USP3: variants seen among roughly 807,000 people sequenced by gnomAD.
USP3 encodes ubiquitin specific peptidase 3, also known as ubiquitin carboxyl-terminal hydrolase 3.
Under a neutral mutation model 72.3 loss-of-function variants are expected in USP3, and 20 were observed. The observed-to-expected ratio is 0.28, with a 90% CI of 0.19 to 0.40. The LOEUF (loss-of-function observed/expected upper bound fraction) is 0.40, where lower values mean the gene tolerates loss of function less well. USP3 is among the 10% of genes least tolerant of loss of function. USP3 has a pLI of 1.00. For missense variants in USP3, 479 were observed against 633.9 expected (o/e 0.76, Z 2.62); for synonymous variants, 222 against 225.3 (o/e 0.99, Z 0.13).
At chr15:63,587,343 C>A (rs1365629794) in intron 11 of USP3, among the ~76,000 whole-genome samples, 2 of 151,644 alleles carry the variant, frequency 1.3e-5, no homozygotes, top group East Asian at 4.0e-4. Flanking sequence ...TACAGAATAA[C>A]GTGTATTTTA....
intron 1 of USP3, among the ~76,000 whole-genome samples, chr15:63,531,416 A>T (rs1479086634): frequency 6.6e-6 from 1 of 152,224 alleles, no homozygotes; most frequent in African/African-American, 2.4e-5. Context: ...CTGGACAGAA[A>T]TTATGTAAAA....
intron 2 of USP3, chr15:63,533,952 T>A (rs747152644): frequency 5.3e-6 from 5 of 951,998 alleles, no homozygotes; most frequent in Non-Finnish European, 6.5e-6. Context: ...TTTATGTAGT[T>A]CTGTTCTCCA....
At chr15:63,524,787 G>GCTCTCC (rs2065959400) in intron 1 of USP3, among the ~76,000 whole-genome samples, 1 of 152,134 alleles carries the variant, frequency 6.6e-6, no homozygotes, top group Non-Finnish European at 1.5e-5. Context: ...AGCATTTCAA[G>GCTCTCC]CAATAGCAAG....
intron 1 of USP3, among the ~76,000 whole-genome samples, chr15:63,507,288 A>G (rs1011738146): frequency 6.6e-6 from 1 of 152,216 alleles, no homozygotes; most frequent in African/African-American, 2.4e-5. Context: ...AAGACAGCCA[A>G]GCAAATTGCA....
At chr15:63,587,629 CA>C (rs1357753095) in intron 11 of USP3, 3 of 152,126 alleles carry the variant, frequency 2.0e-5, no homozygotes, top group Non-Finnish European at 4.4e-5. Flanking sequence ...GGCTTTGCAC[CA>C]CATAAGGTCT....
intron 1 of USP3, among the ~76,000 whole-genome samples, chr15:63,512,443 CT>C (rs2065803572): frequency 6.8e-6 from 1 of 146,310 alleles, no homozygotes; most frequent in Non-Finnish European, 1.5e-5. Context: ...TTTCTTCCTT[CT>C]TTTTCTTTCT....
chr15:63,530,257 C>T lies in USP3; in HGVS notation c.92-2390C>T, dbSNP rs542114213. ...ATTTGAGTTACCGTCATCCTTCCTT[C>T]CCTCCCTCCCTGCCTCCCTCCCTCC... On this transcript the variant is annotated intron_variant, in intron 1 of 14. Coordinates refer to ENST00000380324, the MANE Select transcript of USP3 (RefSeq NM_006537.4). 3.2e-4 allele frequency among the ~76,000 whole-genome samples: 30 copies of T among 93,598 alleles called. No homozygotes were observed. The South Asian group carries it at 5.7e-3, about 18-fold the overall frequency. The allele number at this position is 93,598 out of a possible 152,430, so 61.4% of individuals were successfully genotyped here. A position where few individuals can be genotyped will look rare whatever the true frequency, so the allele number is the denominator to read the frequency against.
At chr15:63,519,234 A>C (rs1259862146) in intron 1 of USP3, among the ~76,000 whole-genome samples, 3 of 151,994 alleles carry the variant, frequency 2.0e-5, no homozygotes, top group Non-Finnish European at 4.4e-5. Context: ...CCCTGGATCT[A>C]ATCCAGGATC....
Position 63,559,932 on chromosome 15 carries a change from G to A in USP3, c.609G>A (p.Arg203=), listed in dbSNP as rs763204743. 5.0e-6 allele frequency: 8 copies of A among 1,614,116 alleles called. No homozygotes were observed. The South Asian group carries it at 6.6e-5, about 13-fold the overall frequency. ...VELRNGKTAG[R]RTYHTRSQGD... ...TAAGGAATGGGAAAACAGCAGGAAG[G>A]CGGACATACCACACCAGGAGCCAAG... The change falls in exon 7 of 15, where the codon AGG becomes AGA. Residue 203 remains arginine (R), a synonymous_variant. Coordinates refer to ENST00000380324, the MANE Select transcript of USP3 (RefSeq NM_006537.4).
In USP3 at chr15:63,570,517, T is replaced by C; in HGVS notation, c.846T>C (p.Gly282=). ...TGGAACTTCAGGGCGGTTTCAACGG[T>C]GTTTCCCGCTCAGCAATTCTGCAGG... ...LHLELQGGFN[G]VSRSAILQEN... is the part of the protein sequence containing the mutation. Residue 282 remains glycine, a synonymous_variant, in exon 9 of 15, where the codon GGT becomes GGC. Coordinates refer to ENST00000380324, the MANE Select transcript of USP3 (RefSeq NM_006537.4). The surrounding 1 kb of genome is among the most constrained non-coding windows in gnomAD (Gnocchi z 4.4). The C allele has an allele frequency of 1.2e-6, 2 of 1,614,222 alleles. No homozygotes were observed. The highest frequency in any genetic ancestry group is 1.7e-6 in the Non-Finnish European group (2 of 1,180,026).
Position 63,574,040 on chromosome 15 carries a change from G to A in USP3, c.909-6G>A, listed in dbSNP as rs761205286. On this transcript the variant is annotated splice_polypyrimidine_tract_variant and splice_region_variant and intron_variant, in intron 9 of 14. Coordinates refer to ENST00000380324, the MANE Select transcript of USP3 (RefSeq NM_006537.4). This position sits in a 1 kb window ranked among gnomAD's most constrained non-coding sequence, Gnocchi z 4.6. ...AGATATTTTCCTGTGTGGTGATTTTGTTTAGAAATGGAGCATCTACTGTTG... is the reference window on the plus strand; with the variant it reads ...AGATATTTTCCTGTGTGGTGATTTTATTTAGAAATGGAGCATCTACTGTTG... The A allele has an allele frequency of 6.4e-7, 1 of 1,552,568 alleles. No individual in the cohort carries two copies. Among genetic ancestry groups the A allele is most frequent in the Non-Finnish European group, 8.7e-7 (1 of 1,147,680 alleles).
chr15:63,573,111 G>A (rs2066806117), intron 9 of USP3, among the ~76,000 whole-genome samples: 1 of 152,232 alleles, frequency 6.6e-6, no homozygotes, highest in Admixed American at 6.5e-5. Context: ...CTGACACACA[G>A]TGGGGCTGTC....
intron 3 of USP3, among the ~76,000 whole-genome samples, chr15:63,541,393 A>C (rs2152663890): frequency 6.6e-6 from 1 of 152,298 alleles, no homozygotes; most frequent in Non-Finnish European, 1.5e-5. Flanking sequence ...AAAAAGGAAA[A>C]TATTTTGTTG....
chr15:63,540,290 T>C (rs1245393582), intron 3 of USP3, among the ~76,000 whole-genome samples: 1 of 152,200 alleles, frequency 6.6e-6, no homozygotes, highest in East Asian at 1.9e-4. Flanking sequence ...CCAGCTCCAG[T>C]TGTAGCTGAA....
At chr15:63,512,904 G>A (rs1227871490) in intron 1 of USP3, among the ~76,000 whole-genome samples, 1 of 152,172 alleles carries the variant, frequency 6.6e-6, no homozygotes, top group Non-Finnish European at 1.5e-5. Flanking sequence ...TTAAGTGTTT[G>A]CATTAGTTAG....
intron 1 of USP3, among the ~76,000 whole-genome samples, chr15:63,507,120 G>A (rs1052283092): frequency 2.0e-5 from 3 of 151,878 alleles, no homozygotes; most frequent in African/African-American, 7.3e-5. Flanking sequence ...TTTCATAGGG[G>A]ACCAAAAGGG....
chr15:63,542,032 A>G, intron 3 of USP3: 4 of 985,092 alleles, frequency 4.1e-6, no homozygotes, highest in Non-Finnish European at 4.8e-6. Flanking sequence ...TTTTATTTGT[A>G]TGATTATTCC....
At position 63,529,170 on chromosome 15, in the gene USP3, G is replaced by GT. The variant is rs2066029656; in HGVS notation, c.92-3476dup. ...CAATCACCACCACACTTGGCAGGTAGTAAAGTGGTTTTTTTTTTTTTCTTT... is the reference window on the plus strand; with the variant it reads ...CAATCACCACCACACTTGGCAGGTAGTTAAAGTGGTTTTTTTTTTTTTCTTT... On this transcript the variant is annotated intron_variant, in intron 1 of 14. Transcript: ENST00000380324. The surrounding 1 kb of genome is among the most constrained non-coding windows in gnomAD (Gnocchi z 4.2). 1 of 662,398 alleles carries GT rather than the reference G, an allele frequency of 1.5e-6. No individual in the cohort carries two copies. The highest frequency in any genetic ancestry group is 2.6e-5 in the Admixed American group (1 of 38,760). 41.0% of individuals were successfully genotyped at this position (662,398 alleles called of 1,614,324 possible).
chr15:63,581,483 A>G (rs1179502045), intron 11 of USP3, among the ~76,000 whole-genome samples: 5 of 150,166 alleles, frequency 3.3e-5, no homozygotes, highest in Non-Finnish European at 7.4e-5. Context: ...TCCGGGTTCA[A>G]GCGATTCTTC....
Sources: gnomAD v4.1 joint callset for allele counts (sites outside exome capture counted in the v4.1 genomes callset) on GRCh38, gnomAD v4.1.1 for gene constraint, Gnocchi (gnomAD v3.1) non-coding constraint, MANE v1.5 for transcripts, NCBI Gene and HGNC (gene_info 2026-07-23, HGNC 2026-07-21) for gene names.